The following CDK14 variants were observed in gnomAD, a reference collection of about 807,000 sequenced individuals.
The protein encoded by CDK14 is cyclin-dependent kinase 14.
A neutral mutation model predicts 60.7 loss-of-function variants in CDK14; 34 were observed. The observed-to-expected ratio is 0.56, with a 90% CI of 0.43 to 0.75. The LOEUF (loss-of-function observed/expected upper bound fraction) is 0.75. Among genes scored for constraint, CDK14 ranks in the 30% least tolerant of loss-of-function variants. The pLI, the probability that CDK14 is intolerant of heterozygous loss-of-function variation, is 0.00. For synonymous variants in CDK14, 197 were observed against 203.7 expected (o/e 0.97, Z 0.28); for missense variants, 482 against 564.1 (o/e 0.85, Z 1.47).
intron 5 of CDK14, among the ~76,000 whole-genome samples, chr7:90,811,397 G>C (rs76417059): frequency 0.2 from 30,858 of 151,974 alleles, 3,263 homozygotes; most frequent in South Asian, 0.24. Context: ...ATGGTGCTGG[G>C]AAAACTGGCT....
intron 5 of CDK14, among the ~76,000 whole-genome samples, chr7:90,861,233 T>A (rs1052444636): frequency 6.6e-6 from 1 of 152,160 alleles, no homozygotes; most frequent in Non-Finnish European, 1.5e-5. Context: ...TTACTGTTCC[T>A]ATGGGAGAAG....
intron 2 of CDK14, among the ~76,000 whole-genome samples, chr7:90,673,758 A>T (rs2116540331): frequency 6.6e-6 from 1 of 152,308 alleles, no homozygotes; most frequent in South Asian, 2.1e-4. Context: ...TTCATGCCTT[A>T]TTTGTTGTGC....
rs542619386 is a variant in CDK14, at chr7:90,830,665, C to T, written c.545-32510C>T. ...ATGGTCAGGCTGGAAATTTTCCAAA[C>T]TTTTATGCTCTGCCTCCCTTTTAAA... is the stretch of plus-strand genomic sequence containing the variant. On this transcript the variant is annotated intron_variant, in intron 5 of 14. Transcript: ENST00000380050. 3.1e-4 allele frequency among the ~76,000 whole-genome samples: 47 copies of T among 152,314 alleles called. No individual in the cohort carries two copies. The South Asian group carries it at 9.5e-3, about 31-fold the overall frequency.
In CDK14 at chr7:91,091,965, G is replaced by A. The variant is rs576285075; in HGVS notation, c.1154+12485G>A. Among the ~76,000 whole-genome samples, 246 of 152,060 alleles carry A rather than the reference G, an allele frequency of 1.6e-3. 1 individual carries two copies. Among genetic ancestry groups the A allele is most frequent in the East Asian group, 7.8e-4 (4 of 5,156 alleles). On this transcript the variant is annotated intron_variant, in intron 12 of 14. Transcript: ENST00000380050. ...TCTGATTCATGTTAGAGATATACCCGAAAACCTGCATGTACCTGGAAGTTA... is the reference window on the plus strand; with the variant it reads ...TCTGATTCATGTTAGAGATATACCCAAAAACCTGCATGTACCTGGAAGTTA...
At chr7:90,631,148 T>C (rs1182564814) in intron 2 of CDK14, among the ~76,000 whole-genome samples, 1 of 152,180 alleles carries the variant, frequency 6.6e-6, no homozygotes, top group Non-Finnish European at 1.5e-5. Flanking sequence ...TTTATTTCTC[T>C]AAGCTGCTCA....
chr7:90,664,155 G>A (rs1226507479), intron 2 of CDK14, among the ~76,000 whole-genome samples: 6 of 152,136 alleles, frequency 3.9e-5, no homozygotes, highest in Non-Finnish European at 7.3e-5. Context: ...TCTCAAAAGA[G>A]GACATTTATG....
chr7:91,115,328 T>C (rs1033969039), intron 13 of CDK14, among the ~76,000 whole-genome samples: 2 of 152,156 alleles, frequency 1.3e-5, no homozygotes, highest in African/African-American at 2.4e-5. Context: ...AGGTCTTTCT[T>C]CTCAGTTTGT....
At chr7:90,630,293 G>C (rs1799966173) in intron 2 of CDK14, among the ~76,000 whole-genome samples, 1 of 152,088 alleles carries the variant, frequency 6.6e-6, no homozygotes. Context: ...AGATGGTATA[G>C]CCTATTGCAC....
intron 4 of CDK14, among the ~76,000 whole-genome samples, chr7:90,763,851 T>TGTTGCCCAGGCTAAAGTGCAGTGACAAG (rs1804430471): frequency 1.3e-5 from 2 of 152,152 alleles, no homozygotes; most frequent in Non-Finnish European, 2.9e-5. Context: ...AATGGCTTTG[T>TGTTGCCCAGGCTAAAGTGCAGTGACAAG]ATAGAGGGGG....
At chr7:90,939,379 C>T (rs1181353461) in intron 8 of CDK14, among the ~76,000 whole-genome samples, 10 of 152,164 alleles carry the variant, frequency 6.6e-5, no homozygotes, top group Admixed American at 5.2e-4. Context: ...GTTTGAGTTT[C>T]ATTGCTGCCA....
intron 8 of CDK14, among the ~76,000 whole-genome samples, chr7:90,928,629 C>T (rs1793496229): frequency 6.6e-6 from 1 of 152,162 alleles, no homozygotes; most frequent in South Asian, 2.1e-4. Context: ...GTCAGTTGGA[C>T]CCTACTGGGA....
chr7:91,187,975 C>T (rs1157382133), intron 14 of CDK14, among the ~76,000 whole-genome samples: 2 of 152,176 alleles, frequency 1.3e-5, no homozygotes, highest in Non-Finnish European at 2.9e-5. Flanking sequence ...GTAGCCTTTT[C>T]CTATTGGCAC....
chr7:91,188,365 T>C (rs898065312), intron 14 of CDK14, among the ~76,000 whole-genome samples: 1 of 152,128 alleles, frequency 6.6e-6, no homozygotes, highest in Non-Finnish European at 1.5e-5. Flanking sequence ...AAAGAAGTAA[T>C]AGAATCTGGT....
chr7:90,737,105 C>A (rs532756207), intron 3 of CDK14, among the ~76,000 whole-genome samples: 1 of 152,118 alleles, frequency 6.6e-6, no homozygotes, highest in African/African-American at 2.4e-5. Flanking sequence ...TGTTTAATAC[C>A]GTCACTGATG....
chr7:90,913,747 GT>G (rs200300268), intron 7 of CDK14, among the ~76,000 whole-genome samples: 1,938 of 152,282 alleles, frequency 0.013, 18 homozygotes, highest in Non-Finnish European at 0.02. Context: ...TAGGATAAGA[GT>G]TCAGTTAATG....
intron 4 of CDK14, among the ~76,000 whole-genome samples, chr7:90,777,863 C>T (rs1237910311): frequency 1.3e-5 from 2 of 152,244 alleles, no homozygotes; most frequent in African/African-American, 2.4e-5. Flanking sequence ...CCTCATATTT[C>T]TTCTTCCCTT....
At chr7:90,878,129 T>A (rs981406591) in intron 6 of CDK14, among the ~76,000 whole-genome samples, 1 of 149,778 alleles carries the variant, frequency 6.7e-6, no homozygotes, top group Admixed American at 6.7e-5. Flanking sequence ...AGAGAGAGAA[T>A]TGAGAGTTAT....
At chr7:90,807,990 T>G (rs1461091533) in intron 5 of CDK14, among the ~76,000 whole-genome samples, 1 of 152,190 alleles carries the variant, frequency 6.6e-6, no homozygotes, top group Admixed American at 6.5e-5. Context: ...TACGTCTGAT[T>G]GGTGTACCTG....
intron 14 of CDK14, among the ~76,000 whole-genome samples, chr7:91,168,917 C>T (rs1035189660): frequency 6.6e-6 from 1 of 152,136 alleles, no homozygotes; most frequent in Non-Finnish European, 1.5e-5. Context: ...GATCCGGCCC[C>T]CTCCCCCTCC....
Sources: allele counts gnomAD v4.1 joint callset (sites outside exome capture counted in the v4.1 genomes callset), GRCh38; gene constraint gnomAD v4.1.1; transcripts MANE v1.5; gene names NCBI Gene and HGNC (gene_info 2026-07-23, HGNC 2026-07-21).